The following ZC3H12B variants were observed in gnomAD, a reference collection of about 807,000 sequenced individuals.
ZC3H12B encodes probable ribonuclease ZC3H12B.
ZC3H12B carries 7 observed loss-of-function variants against 43.9 expected under a neutral mutation model. The ratio of observed to expected loss-of-function variants is 0.16; its 90% CI spans 0.09 to 0.30. ZC3H12B has a LOEUF of 0.30. ZC3H12B is among the 10% of genes least tolerant of loss of function. The pLI is 1.00. For synonymous variants in ZC3H12B, 222 were observed against 241.7 expected, an observed-to-expected ratio of 0.92 and a Z score of 0.76; for missense variants, 475 against 670.2, an observed-to-expected ratio of 0.71 and a Z score of 3.22.
chrX:65,124,007 G>T, the ZC3H12B span, among the ~76,000 whole-genome samples: 32 of 110,525 alleles, frequency 2.9e-4, no homozygotes, highest in African/African-American at 1.0e-3. Flanking sequence ...GAGTTCTCTG[G>T]CTAGACTTCC....
the ZC3H12B span, among the ~76,000 whole-genome samples, chrX:65,118,838 C>T: frequency 1.1e-5 from 1 of 90,863 alleles, no homozygotes; most frequent in Admixed American, 1.3e-4. Flanking sequence ...TGTGATGTTC[C>T]CCTTCCTGTG....
At chrX:65,234,216 A>G in the ZC3H12B span, among the ~76,000 whole-genome samples, 61 of 112,376 alleles carry the variant, frequency 5.4e-4, 1 homozygote, top group Admixed American at 5.2e-3. Flanking sequence ...ATGCAAATCA[A>G]TAAGTGTGAT....
chrX:65,386,824 C>T (rs1300655374), intron 2 of ZC3H12B, among the ~76,000 whole-genome samples: 1 of 110,771 alleles, frequency 9.0e-6, no homozygotes, highest in African/African-American at 3.3e-5. Flanking sequence ...TGAATGTGTC[C>T]CAGAGATTCT....
intron 3 of ZC3H12B, among the ~76,000 whole-genome samples, chrX:65,446,595 A>G (rs1390510118): frequency 1.8e-5 from 2 of 111,927 alleles, no homozygotes; most frequent in East Asian, 5.6e-4. Context: ...GCACTGGATA[A>G]ATTCTGTCCT....
intron 2 of ZC3H12B, among the ~76,000 whole-genome samples, chrX:65,384,673 A>G (rs1317928277): frequency 2.7e-5 from 3 of 111,648 alleles, no homozygotes; most frequent in Non-Finnish European, 3.8e-5. Flanking sequence ...TACCAATAAC[A>G]TCAAATGTAA....
At chrX:65,142,938 C>T in the ZC3H12B span, among the ~76,000 whole-genome samples, 1 of 111,683 alleles carries the variant, frequency 9.0e-6, no homozygotes, top group African/African-American at 3.2e-5. Flanking sequence ...AATGTGGTGC[C>T]TCCAGATTTT....
At chrX:65,325,140 A>G in the ZC3H12B span, among the ~76,000 whole-genome samples, 7 of 111,126 alleles carry the variant, frequency 6.3e-5, no homozygotes, top group Non-Finnish European at 1.1e-4. Context: ...TGCATGGAAT[A>G]CCTTTTTCTA....
chrX:65,161,613 T>G, the ZC3H12B span, among the ~76,000 whole-genome samples: 2 of 111,886 alleles, frequency 1.8e-5, no homozygotes, highest in South Asian at 3.7e-4. Context: ...TCCATTTGCT[T>G]GGTAGCTCTT....
the ZC3H12B span, among the ~76,000 whole-genome samples, chrX:65,161,280 G>T: frequency 9.0e-6 from 1 of 111,224 alleles, no homozygotes; most frequent in South Asian, 3.8e-4. Context: ...TATTAGGTCC[G>T]CTTGGTGCAG....
At chrX:65,305,621 A>G in the ZC3H12B span, among the ~76,000 whole-genome samples, 1 of 110,971 alleles carries the variant, frequency 9.0e-6, no homozygotes, top group Non-Finnish European at 1.9e-5. Context: ...CATTGCACCT[A>G]TTGTGTTTTC....
the ZC3H12B span, among the ~76,000 whole-genome samples, chrX:65,257,453 G>A: frequency 1.8e-5 from 2 of 110,522 alleles, no homozygotes; most frequent in East Asian, 2.8e-4. Context: ...GGGCCTGTGG[G>A]GGGTGGGGAC....
chrX:65,138,563 G>T, the ZC3H12B span, among the ~76,000 whole-genome samples: 1 of 111,823 alleles, frequency 8.9e-6, no homozygotes, highest in Non-Finnish European at 1.9e-5. Context: ...AACTCTTTGA[G>T]ATACTGATTT....
chrX:65,039,232 C>T, the ZC3H12B span, among the ~76,000 whole-genome samples: 3 of 111,735 alleles, frequency 2.7e-5, no homozygotes, highest in East Asian at 2.8e-4. Flanking sequence ...CTCTTGGTAT[C>T]GGAAAGTTCC....
intron 2 of ZC3H12B, among the ~76,000 whole-genome samples, chrX:65,387,731 A>T (rs2066549221): frequency 8.9e-6 from 1 of 112,350 alleles, no homozygotes. Context: ...GTTTCTTCCT[A>T]GCCTGGATGG....
At chrX:65,433,729 G>A (rs1448774792) in intron 3 of ZC3H12B, among the ~76,000 whole-genome samples, 2 of 111,607 alleles carry the variant, frequency 1.8e-5, no homozygotes, top group African/African-American at 3.3e-5. Flanking sequence ...ATGGCCATAG[G>A]ACCCTTTGGG....
chrX:65,280,368 CTT>C, the ZC3H12B span, among the ~76,000 whole-genome samples: 1 of 112,098 alleles, frequency 8.9e-6, no homozygotes, highest in South Asian at 3.6e-4. Context: ...GATAAAAACT[CTT>C]AATAAATTAG....
chrX:65,114,648 G>T, the ZC3H12B span, among the ~76,000 whole-genome samples: 1 of 110,360 alleles, frequency 9.1e-6, no homozygotes, highest in African/African-American at 3.3e-5. Flanking sequence ...CATCTTGATT[G>T]AGATTTACTA....
chrX:65,067,084 G>T, the ZC3H12B span, among the ~76,000 whole-genome samples: 1 of 110,743 alleles, frequency 9.0e-6, no homozygotes, highest in Non-Finnish European at 1.9e-5. Flanking sequence ...GCTCTGTGGG[G>T]GTGCAACCTG....
the ZC3H12B span, among the ~76,000 whole-genome samples, chrX:65,126,249 T>C: frequency 4.5e-5 from 5 of 111,137 alleles, no homozygotes; most frequent in East Asian, 1.1e-3. Context: ...TTATGAGGTT[T>C]AGTTTTGCTG....
Sources: gnomAD v4.1 joint callset for allele counts (sites outside exome capture counted in the v4.1 genomes callset) on GRCh38, gnomAD v4.1.1 for gene constraint, MANE v1.5 for transcripts, NCBI Gene and HGNC (gene_info 2026-07-23, HGNC 2026-07-21) for gene names.